Variants in UBE2V1 observed in about 807,000 individuals in gnomAD.
The protein encoded by UBE2V1 is ubiquitin-conjugating enzyme E2 variant 1.
Under a neutral mutation model 19.6 loss-of-function variants are expected in UBE2V1, and 15 were observed. The ratio of observed to expected loss-of-function variants is 0.77; its 90% CI spans 0.51 to 1.18. The LOEUF (loss-of-function observed/expected upper bound fraction) is 1.18. Among genes scored for constraint, UBE2V1 ranks in the 50% most tolerant of loss-of-function variants. The pLI is 0.00. For missense variants in UBE2V1, 125 were observed against 184.8 expected (o/e 0.68, Z 1.88); for synonymous variants, 60 against 60.7 (o/e 0.99, Z 0.05).
At position 50,096,819 on chromosome 20, in the gene UBE2V1, T is replaced by G. The variant is rs1430286397; in HGVS notation, c.24A>C (p.Gly8=). The change falls in exon 2 of 4, where the codon GGA becomes GGC. Residue 8 remains glycine (G), a splice_region_variant and synonymous_variant. Transcript: ENST00000371674. Reference sequence around the variant, plus strand: ...GTCGGAAATTGCGAGGGACTTTTACTCCTAAAATAAATGGAAAGAAATTCA... The same window carrying G: ...GTCGGAAATTGCGAGGGACTTTTACGCCTAAAATAAATGGAAAGAAATTCA... MAATTGS[G]VKVPRNFRLL... 6 of 1,613,660 alleles carry G rather than the reference T, an allele frequency of 3.7e-6. No individual in the cohort carries two copies. Among genetic ancestry groups the G allele is most frequent in the South Asian group, 1.1e-5 (1 of 91,016 alleles).
At chr20:50,092,278 C>T (rs958086947) in intron 2 of UBE2V1, among the ~76,000 whole-genome samples, 2 of 152,108 alleles carry the variant, frequency 1.3e-5, no homozygotes, top group Non-Finnish European at 2.9e-5. Context: ...GCTGAAATCA[C>T]GCCACTGCAC....
chr20:50,088,101 A>C (rs1051547193), intron 2 of UBE2V1, among the ~76,000 whole-genome samples: 2 of 30,312 alleles, frequency 6.6e-5, no homozygotes, highest in African/African-American at 3.1e-4. Flanking sequence ...TCTAATCATT[A>C]AAAAAAAAAA....
chr20:50,091,792 T>C (rs967865937), intron 2 of UBE2V1, among the ~76,000 whole-genome samples: 2 of 152,236 alleles, frequency 1.3e-5, no homozygotes, highest in Non-Finnish European at 2.9e-5. Context: ...ACATTATGCA[T>C]AGGAAGATCC....
intron 1 of UBE2V1, among the ~76,000 whole-genome samples, chr20:50,106,181 C>G (rs990241912): frequency 6.6e-6 from 1 of 151,854 alleles, no homozygotes; most frequent in Admixed American, 6.6e-5. Context: ...ATATTTGTTC[C>G]TATTATTTCA....
At chr20:50,091,438 T>G in intron 2 of UBE2V1, among the ~76,000 whole-genome samples, 1 of 126,954 alleles carries the variant, frequency 7.9e-6, no homozygotes, top group South Asian at 2.5e-4. Flanking sequence ...TGAGATGGAG[T>G]CTCGCTCTTG....
At chr20:50,115,338 T>C, upstream of UBE2V1, 7 of 1,332,724 alleles carry the variant, frequency 5.3e-6, no homozygotes, top group Non-Finnish European at 5.9e-6. Context: ...GTGCCAGCAC[T>C]GGCTACAGGT....
chr20:50,112,814 G>A (rs2080850033), intron 1 of UBE2V1, among the ~76,000 whole-genome samples: 1 of 152,090 alleles, frequency 6.6e-6, no homozygotes, highest in South Asian at 2.1e-4. Context: ...GTGCCTCGGA[G>A]CTCGCTCCTC....
intron 1 of UBE2V1, among the ~76,000 whole-genome samples, chr20:50,101,204 C>T (rs552236435): frequency 7.5e-4 from 114 of 152,270 alleles, no homozygotes; most frequent in Non-Finnish European, 1.2e-3. Flanking sequence ...GTTGTAAAGC[C>T]AGCACCAGAA....
At chr20:50,089,164 G>A (rs561394669) in intron 2 of UBE2V1, among the ~76,000 whole-genome samples, 17 of 152,278 alleles carry the variant, frequency 1.1e-4, no homozygotes, top group African/African-American at 3.6e-4. Flanking sequence ...ATAACGAAAT[G>A]AAGCAGGATG....
At position 50,111,029 on chromosome 20, in the gene UBE2V1, A is replaced by T. The variant is rs182415251; in HGVS notation, c.22+2078T>A. Among the ~76,000 whole-genome samples, 3 of 152,276 alleles carry T rather than the reference A, an allele frequency of 2.0e-5. No individual in the cohort carries two copies. The East Asian group carries it at 5.8e-4, about 29-fold the overall frequency. On this transcript the variant is annotated intron_variant, in intron 1 of 3. Transcript: ENST00000371674. ...TCTGAAATTGTCTTATTTACTCCTTAACAGCCTTCTCTCCCTGACTTGAAT... is the reference window on the plus strand; with the variant it reads ...TCTGAAATTGTCTTATTTACTCCTTTACAGCCTTCTCTCCCTGACTTGAAT...
chr20:50,094,162 A>C (rs2079446737), intron 2 of UBE2V1, among the ~76,000 whole-genome samples: 1 of 119,170 alleles, frequency 8.4e-6, no homozygotes, highest in Non-Finnish European at 1.7e-5. Context: ...ATTATATGTA[A>C]TATATATTAC....
At chr20:50,097,738 T>C (rs536197947) in intron 1 of UBE2V1, among the ~76,000 whole-genome samples, 1 of 152,350 alleles carries the variant, frequency 6.6e-6, no homozygotes, top group East Asian at 1.9e-4. Flanking sequence ...CAGTCAAGTT[T>C]CAAGTTCTCT....
rs6095757 is a variant in UBE2V1 at position 50,087,928 on chromosome 20, T to C, written c.172-3674A>G. On this transcript the variant is annotated intron_variant, in intron 2 of 3. Transcript: ENST00000371674. ...CATGGCACCAGGTATAGACGATACA[T>C]TGTAGGATATGTATAGCCTATAAAA... 1.3e-3 allele frequency among the ~76,000 whole-genome samples: 198 copies of C among 152,072 alleles called. 1 individual carries two copies. The highest frequency in any genetic ancestry group is 4.4e-3 in the African/African-American group (181 of 41,478).
Position 50,100,480 on chromosome 20 carries a change from G to A in UBE2V1, c.23-3660C>T, listed in dbSNP as rs529551777. Among the ~76,000 whole-genome samples, 5 of 152,008 alleles carry A rather than the reference G, an allele frequency of 3.3e-5. No individual in the cohort carries two copies. The South Asian group carries it at 1.0e-3, about 32-fold the overall frequency. On this transcript the variant is annotated intron_variant, in intron 1 of 3. Coordinates refer to ENST00000371674, the MANE Select transcript of UBE2V1 (RefSeq NM_001032288.3). ...TGCACCTGTAGTCCCAGCTACTCGG[G>A]AGGCTGAGGCAGAAAAATTGCTTGA...
chr20:50,086,097 G>A, intron 2 of UBE2V1, among the ~76,000 whole-genome samples: 1 of 152,260 alleles, frequency 6.6e-6, no homozygotes, highest in South Asian at 2.1e-4. Context: ...ACCCTCTGAT[G>A]GCTCCTAGTG....
chr20:50,097,053 C>A (rs1253922505), intron 1 of UBE2V1, among the ~76,000 whole-genome samples: 2 of 152,170 alleles, frequency 1.3e-5, no homozygotes, highest in Non-Finnish European at 2.9e-5. Context: ...GGCTAGATAA[C>A]CAAACTTAGA....
intron 2 of UBE2V1, among the ~76,000 whole-genome samples, chr20:50,085,042 C>T (rs1243197408): frequency 1.3e-5 from 2 of 151,900 alleles, no homozygotes. Context: ...AGGCATGTGC[C>T]ACCATGGCCG....
At position 50,082,117 on chromosome 20, in the gene UBE2V1, A is replaced by T. The variant is rs752721921; in HGVS notation, c.*651T>A. On this transcript the variant is annotated 3_prime_UTR_variant, in exon 4 of 4. Coordinates refer to ENST00000371674, the MANE Select transcript of UBE2V1 (RefSeq NM_001032288.3). ...GAGAGAAGATATGGGGAAAGCCCTGAATTCCTCACCGAAGGCCAATCTCAG... is the reference window on the plus strand; with the variant it reads ...GAGAGAAGATATGGGGAAAGCCCTGTATTCCTCACCGAAGGCCAATCTCAG... 4.7e-5 allele frequency: 8 copies of T among 170,402 alleles called. No individual in the cohort carries two copies. Among genetic ancestry groups the T allele is most frequent in the Non-Finnish European group, 1.0e-4 (8 of 79,926 alleles). The allele number at this position is 170,402 out of a possible 1,614,324, so 10.6% of individuals were successfully genotyped here. A position where few individuals can be genotyped will look rare whatever the true frequency, so the allele number is the denominator to read the frequency against.
At chr20:50,089,514 G>A (rs566604503) in intron 2 of UBE2V1, among the ~76,000 whole-genome samples, 1 of 152,306 alleles carries the variant, frequency 6.6e-6, no homozygotes, top group Non-Finnish European at 1.5e-5. Context: ...CCTGACTGGT[G>A]GAACCTTCAG....
Sources: gnomAD v4.1 joint callset for allele counts (sites outside exome capture counted in the v4.1 genomes callset) on GRCh38, gnomAD v4.1.1 for gene constraint, MANE v1.5 for transcripts, NCBI Gene and HGNC (gene_info 2026-07-23, HGNC 2026-07-21) for gene names.